The following IDE variants were observed in gnomAD, a reference collection of about 807,000 sequenced individuals.
IDE encodes the protein insulin-degrading enzyme.
A neutral mutation model predicts 133.2 loss-of-function variants in IDE; 58 were observed. That is an observed-to-expected ratio of 0.44 (90% CI 0.35 to 0.54). IDE has a LOEUF of 0.54. Ranked by LOEUF, IDE falls within the 20% of genes least tolerant of loss-of-function variation. The probability of loss-of-function intolerance (pLI) is 0.00; values close to 1 mark genes in which losing one functional copy is unlikely to be tolerated. For missense variants in IDE, 981 were observed against 1,234.0 expected (o/e 0.79, Z 3.07); for synonymous variants, 396 against 421.3 (o/e 0.94, Z 0.73).
In IDE at chr10:92,558,955, A is replaced by G. The variant is rs1327370472; in HGVS notation, c.98+14967T>C. The stretch of plus-strand genomic sequence containing the variant: ...AAAAAAAAAAAAAAACCCAATTAAC[A>G]AATAGAAAAAGGATCTGAGTAGACA... On this transcript the variant is annotated intron_variant, in intron 1 of 24. Coordinates refer to ENST00000265986, the MANE Select transcript of IDE (RefSeq NM_004969.4). 2.6e-5 allele frequency: 4 copies of G among 152,240 alleles called. No homozygotes were observed. The East Asian group carries it at 7.7e-4, about 29-fold the overall frequency. 9.4% of individuals were successfully genotyped at this position (152,240 alleles called of 1,614,324 possible).
At position 92,516,095 on chromosome 10, in the gene IDE, G is replaced by A. The variant is rs1424508179; in HGVS notation, c.662-1053C>T. On this transcript the variant is annotated intron_variant, in intron 4 of 24. Transcript: ENST00000265986. ...GAGGCAGGAGAATCACTTGAACCCA[G>A]GAGGCAGAAGTTGCGGTGAGCCGAA... Among the ~76,000 whole-genome samples, 88 of 151,724 alleles carry A rather than the reference G, an allele frequency of 5.8e-4. 1 individual carries two copies. Among genetic ancestry groups the A allele is most frequent in the Non-Finnish European group, 2.9e-5 (2 of 67,936 alleles).
At chr10:92,502,227 GAACT>G (rs1337045261) in intron 11 of IDE, among the ~76,000 whole-genome samples, 1 of 152,116 alleles carries the variant, frequency 6.6e-6, no homozygotes, top group Non-Finnish European at 1.5e-5. Context: ...AGATTGGAGA[GAACT>G]AACATATTAA....
At chr10:92,527,214 C>A (rs1461415721) in intron 4 of IDE, among the ~76,000 whole-genome samples, 1 of 152,084 alleles carries the variant, frequency 6.6e-6, no homozygotes, top group South Asian at 2.1e-4. Flanking sequence ...TAAGAAAGAA[C>A]TATATTTTTT....
At chr10:92,550,725 C>T (rs577065879) in intron 1 of IDE, among the ~76,000 whole-genome samples, 155 of 149,884 alleles carry the variant, frequency 1.0e-3, no homozygotes, top group African/African-American at 3.6e-3. Context: ...TAAAAATTAG[C>T]TGGGCGTGGT....
intron 22 of IDE, 91 bp downstream of exon 22, chr10:92,461,100 C>G: frequency 1.5e-6 from 1 of 652,366 alleles, no homozygotes; most frequent in South Asian, 1.7e-5. Context: ...CTTGGCCTCC[C>G]AAAGTGCTGG....
chr10:92,477,876 T>A (rs1225454700), intron 15 of IDE, among the ~76,000 whole-genome samples: 1 of 152,190 alleles, frequency 6.6e-6, no homozygotes, highest in Non-Finnish European at 1.5e-5. Context: ...AACATTCTTA[T>A]ACATTAAACA....
At chr10:92,551,387 G>A (rs1204162924) in intron 1 of IDE, among the ~76,000 whole-genome samples, 1 of 151,918 alleles carries the variant, frequency 6.6e-6, no homozygotes, top group African/African-American at 2.4e-5. Flanking sequence ...GGCCAACACG[G>A]TGAAACCCCA....
At position 92,454,462 on chromosome 10, in the gene IDE, GA is replaced by G. The variant is rs1564584019; in HGVS notation, c.3041del (p.Phe1014SerfsTer21). 1 of 1,612,198 alleles carries G rather than the reference GA, an allele frequency of 6.2e-7. No homozygotes were observed. Among genetic ancestry groups the G allele is most frequent in the Admixed American group, 1.7e-5 (1 of 60,026 alleles). On this transcript the variant is annotated frameshift_variant, in exon 25 of 25. Coordinates refer to ENST00000265986, the MANE Select transcript of IDE (RefSeq NM_004969.4). LOFTEE classifies it high-confidence loss of function. ...LFPLVKPHIN[F>X]MAAKL ...GGAATCTTCAGAGTTTTGCAGCCAT[GA>G]AGTTAATATGTGGTTTCACAAGGGG...
intron 10 of IDE, among the ~76,000 whole-genome samples, chr10:92,505,464 T>C (rs955116087): frequency 6.6e-6 from 1 of 152,182 alleles, no homozygotes; most frequent in Non-Finnish European, 1.5e-5. Context: ...ATCTAATAAA[T>C]ATTTAATGAA....
At position 92,508,869 on chromosome 10, in the gene IDE, T is replaced by C. The variant is rs1294608419; in HGVS notation, c.919A>G (p.Ile307Val). 6 of 1,612,716 alleles carry C rather than the reference T, an allele frequency of 3.7e-6. No individual in the cohort carries two copies. Among genetic ancestry groups the C allele is most frequent in the Admixed American group, 1.7e-5 (1 of 60,018 alleles). The change falls in exon 7 of 25, where the codon ATT becomes GTT. Residue 307 changes from isoleucine to valine, a missense_variant. Ile to Val is a conservative substitution (Grantham distance 29). Transcript: ENST00000265986. ...ACATAGAGATTCCTAATATCTTTAA[T>C]GGGTACTATTTTGTAAAGTTGCTGG... is the stretch of plus-strand genomic sequence containing the variant. ...HLKQLYKIVP[I>V]KDIRNLYVTF... is the part of the protein sequence containing the mutation.
chr10:92,544,232 C>CA (rs377421446), intron 1 of IDE, among the ~76,000 whole-genome samples: 2,981 of 85,380 alleles, frequency 0.035, 100 homozygotes, highest in African/African-American at 0.1. Context: ...GACACCATCT[C>CA]AAAAAAAAAA....
chr10:92,478,425 A>C (rs1051189395), intron 15 of IDE, among the ~76,000 whole-genome samples: 1 of 152,362 alleles, frequency 6.6e-6, no homozygotes, highest in Non-Finnish European at 1.5e-5. Context: ...AGAGCATGCA[A>C]ATAAACGTAG....
At chr10:92,484,440 A>G (rs1322235086) in intron 13 of IDE, among the ~76,000 whole-genome samples, 1 of 151,352 alleles carries the variant, frequency 6.6e-6, no homozygotes, top group Non-Finnish European at 1.5e-5. Flanking sequence ...AAACAAAGAA[A>G]CTGTGTGTGA....
Position 92,463,789 on chromosome 10 carries a change from A to G in IDE, c.2703T>C (p.Ser901=), listed in dbSNP as rs764872364. 6.2e-7 allele frequency: 1 copy of G among 1,614,176 alleles called. No individual in the cohort carries two copies. The highest frequency in any genetic ancestry group is 8.5e-7 in the Non-Finnish European group (1 of 1,179,982). Residue 901 remains serine (S), a synonymous_variant, in exon 21 of 25, where the codon TCT becomes TCC. Coordinates refer to ENST00000265986, the MANE Select transcript of IDE (RefSeq NM_004969.4). ...IRRLDKPKKL[S]AECAKYWGEI... ...CTCCCCAGTATTTAGCACACTCAGC[A>G]GATAGCTTCTTTGGTTTGTCTAGTC...
intron 4 of IDE, among the ~76,000 whole-genome samples, chr10:92,523,075 G>A (rs1184584122): frequency 2.6e-5 from 4 of 152,100 alleles, no homozygotes; most frequent in Non-Finnish European, 4.4e-5. Context: ...AACTGAGAGA[G>A]AGAAAATTTG....
chr10:92,537,679 C>A (rs1414991030), intron 1 of IDE, 129 bp from the exon 2 acceptor site: 1 of 634,558 alleles, frequency 1.6e-6, no homozygotes, highest in East Asian at 2.7e-5. Flanking sequence ...TTTATAGCCA[C>A]TCTACAGGGT....
At chr10:92,495,688 C>A (rs977444297) in intron 11 of IDE, among the ~76,000 whole-genome samples, 1 of 151,518 alleles carries the variant, frequency 6.6e-6, no homozygotes, top group Non-Finnish European at 1.5e-5. Flanking sequence ...TTAGATGAAC[C>A]CTCTCCTTCC....
At position 92,548,252 on chromosome 10, in the gene IDE, C is replaced by T. The variant is rs148870236; in HGVS notation, c.99-10702G>A. On this transcript the variant is annotated intron_variant, in intron 1 of 24. Transcript: ENST00000265986. ...TCAGACTCCTGTAATCCCAGCTACT[C>T]GGGAGGCTGAGCAGGAGAATCGCTT... Among the ~76,000 whole-genome samples the T allele has an allele frequency of 4.2e-4, 62 of 148,478 alleles. 2 individuals are homozygous for T. The South Asian group carries it at 8.1e-3, about 19-fold the overall frequency.
chr10:92,521,248 G>A (rs200017944), intron 4 of IDE, among the ~76,000 whole-genome samples: 1 of 152,182 alleles, frequency 6.6e-6, no homozygotes, highest in African/African-American at 2.4e-5. Context: ...ACCAGACATT[G>A]TATGCCCAAT....
Sources: gnomAD v4.1 joint callset for allele counts (sites outside exome capture counted in the v4.1 genomes callset) on GRCh38, gnomAD v4.1.1 for gene constraint, MANE v1.5 for transcripts, NCBI Gene and HGNC (gene_info 2026-07-23, HGNC 2026-07-21) for gene names.